CAPRIN1: variants seen among roughly 807,000 people sequenced by gnomAD.
CAPRIN1 encodes the protein caprin-1.
Under a neutral mutation model 100.9 loss-of-function variants are expected in CAPRIN1, and 29 were observed. The ratio of observed to expected loss-of-function variants is 0.29; its 90% CI spans 0.21 to 0.39. CAPRIN1 has a LOEUF of 0.39. Among genes scored for constraint, CAPRIN1 ranks in the 10% least tolerant of loss-of-function variants. CAPRIN1 has a pLI of 1.00. For synonymous variants in CAPRIN1, 338 were observed against 307.5 expected, an observed-to-expected ratio of 1.10 and a Z score of -1.04; for missense variants, 795 against 876.7, an observed-to-expected ratio of 0.91 and a Z score of 1.18.
At chr11:34,096,989 C>T (rs1851380160) in intron 16 of CAPRIN1, among the ~76,000 whole-genome samples, 1 of 152,084 alleles carries the variant, frequency 6.6e-6, no homozygotes, top group Non-Finnish European at 1.5e-5. Flanking sequence ...TGTTTACATG[C>T]ATAGATGGGT....
Position 34,097,694 on chromosome 11 carries a change from T to C in CAPRIN1, c.2002-4T>C, listed in dbSNP as rs1238492227. The C allele has an allele frequency of 1.9e-6, 3 of 1,614,084 alleles. No individual in the cohort carries two copies. The highest frequency in any genetic ancestry group is 2.5e-6 in the Non-Finnish European group (3 of 1,179,946). ...TTTTCAATACTAACTAGCTTGTCTT[T>C]TAGGATGGATATCAGCAGAATTTCA... On this transcript the variant is annotated splice_polypyrimidine_tract_variant and splice_region_variant and intron_variant, in intron 17 of 18. Transcript: ENST00000341394.
At chr11:34,092,143 G>A (rs1011985743) in intron 15 of CAPRIN1, 87 bp downstream of exon 15, 12 of 1,334,968 alleles carry the variant, frequency 9.0e-6, no homozygotes, top group Non-Finnish European at 1.2e-5. Flanking sequence ...TCAGAGTGGT[G>A]GTGTCCAAGA....
chr11:34,074,082 G>A (rs768493150), intron 4 of CAPRIN1, among the ~76,000 whole-genome samples: 8 of 152,258 alleles, frequency 5.3e-5, no homozygotes, highest in South Asian at 2.1e-4. Flanking sequence ...ACACTATTGC[G>A]TTGGGAGGGT....
intron 2 of CAPRIN1, chr11:34,063,224 A>C (rs1343041690): frequency 1.3e-5 from 2 of 152,210 alleles, no homozygotes; most frequent in Non-Finnish European, 2.9e-5. Flanking sequence ...CAACATAATA[A>C]TCTGATTGGA....
At chr11:34,088,230 C>G (rs1457037962) in intron 11 of CAPRIN1, among the ~76,000 whole-genome samples, 5 of 152,242 alleles carry the variant, frequency 3.3e-5, no homozygotes, top group Non-Finnish European at 5.9e-5. Context: ...GTGTCAATCT[C>G]TTGACCTCGT....
chr11:34,087,114 C>T (rs1411568829), intron 11 of CAPRIN1, among the ~76,000 whole-genome samples: 2 of 152,114 alleles, frequency 1.3e-5, no homozygotes, highest in African/African-American at 4.8e-5. Flanking sequence ...GACCTTCTCT[C>T]CAGGACTATT....
Position 34,079,671 on chromosome 11 carries a change from C to T in CAPRIN1, c.732C>T (p.Asn244=), listed in dbSNP as rs767239017. Reference sequence around the variant, plus strand: ...TTGTTGAGCGTGTTTTTCAGTCAAACTACTTTGACAGCACCCACAACCACC... The same window carrying T: ...TTGTTGAGCGTGTTTTTCAGTCAAATTACTTTGACAGCACCCACAACCACC... The part of the protein sequence containing the change: ...KEIVERVFQS[N]YFDSTHNHQN... Residue 244 remains asparagine (N), a synonymous_variant, in exon 7 of 19, where the codon AAC becomes AAT. Transcript: ENST00000341394. 16 of 1,613,740 alleles carry T rather than the reference C, an allele frequency of 9.9e-6. No homozygotes were observed. Among genetic ancestry groups the T allele is most frequent in the Non-Finnish European group, 1.4e-5 (16 of 1,179,696 alleles).
chr11:34,091,187 T>C (rs1452287250), intron 14 of CAPRIN1, among the ~76,000 whole-genome samples: 1 of 152,236 alleles, frequency 6.6e-6, no homozygotes, highest in Non-Finnish European at 1.5e-5. Flanking sequence ...AATATTAAAA[T>C]AACTTTTGAT....
chr11:34,101,963 A>C lies in CAPRIN1; in HGVS notation c.*2596A>C, dbSNP rs926214138. On this transcript the variant is annotated 3_prime_UTR_variant, in exon 19 of 19. Transcript: ENST00000341394. ...TGAAACTTCTTTTTTAAAACTTAAA[A>C]AGGTAGAATGTTATTGATTACCTTG... Among the ~76,000 whole-genome samples, 4 of 152,206 alleles carry C rather than the reference A, an allele frequency of 2.6e-5. No homozygotes were observed. The highest frequency in any genetic ancestry group is 9.6e-5 in the African/African-American group (4 of 41,458).
At chr11:34,089,808 C>T (rs1565096187) in intron 12 of CAPRIN1, among the ~76,000 whole-genome samples, 1 of 151,744 alleles carries the variant, frequency 6.6e-6, no homozygotes, top group South Asian at 2.1e-4. Flanking sequence ...TTAAGTTTTT[C>T]TTAAGTCTTG....
intron 7 of CAPRIN1, 61 bp from the exon 8 acceptor site, chr11:34,082,764 A>T (rs1315803720): frequency 2.3e-5 from 27 of 1,169,104 alleles, no homozygotes; most frequent in Non-Finnish European, 3.4e-5. Flanking sequence ...TATCACACAG[A>T]GTAGAGTAGT....
chr11:34,062,238 G>GC (rs1354895936), intron 2 of CAPRIN1, among the ~76,000 whole-genome samples: 2 of 152,150 alleles, frequency 1.3e-5, no homozygotes, highest in Non-Finnish European at 2.9e-5. Flanking sequence ...ACAGTCAGCT[G>GC]CCTACCATTG....
rs745475115 is a variant in CAPRIN1, at chr11:34,095,737, A to G, written c.1706-742A>G. On this transcript the variant is annotated intron_variant, in intron 15 of 18. Coordinates refer to ENST00000341394, the MANE Select transcript of CAPRIN1 (RefSeq NM_005898.5). Reference sequence around the variant, plus strand: ...CTTTGAATTATAAACATTGTTCTGTAGTATTGAATTTTTGAAAATTTCTAG... The same window carrying G: ...CTTTGAATTATAAACATTGTTCTGTGGTATTGAATTTTTGAAAATTTCTAG... 3 of 152,150 alleles carry G rather than the reference A, an allele frequency of 2.0e-5. No homozygotes were observed. In the South Asian group the frequency reaches 6.2e-4, roughly 32 times the overall value. 9.4% of individuals were successfully genotyped at this position (152,150 alleles called of 1,614,324 possible).
intron 14 of CAPRIN1, among the ~76,000 whole-genome samples, chr11:34,090,948 A>G (rs375918963): frequency 6.6e-6 from 1 of 152,200 alleles, no homozygotes. Flanking sequence ...AAAAGCTTAA[A>G]CATTCAGAGA....
intron 2 of CAPRIN1, among the ~76,000 whole-genome samples, chr11:34,068,084 C>T (rs532133048): frequency 5.9e-5 from 9 of 152,172 alleles, no homozygotes; most frequent in South Asian, 4.1e-4. Context: ...CTGGGGGCCT[C>T]GTGGGAAGAC....
intron 11 of CAPRIN1, among the ~76,000 whole-genome samples, chr11:34,087,605 T>C (rs1300800589): frequency 2.0e-5 from 3 of 151,882 alleles, no homozygotes; most frequent in Non-Finnish European, 4.4e-5. Flanking sequence ...AGTGCTGGGA[T>C]TACAGGCGTG....
chr11:34,057,659 T>C (rs765414798), intron 2 of CAPRIN1, among the ~76,000 whole-genome samples: 13 of 152,348 alleles, frequency 8.5e-5, no homozygotes, highest in South Asian at 6.2e-4. Flanking sequence ...GTTAAACTTA[T>C]AGCAATTTTG....
At chr11:34,052,990 G>T (rs1169518037) in intron 2 of CAPRIN1, 11 of 1,062,362 alleles carry the variant, frequency 1.0e-5, no homozygotes, top group African/African-American at 5.1e-5. Flanking sequence ...CGTCTCTGAG[G>T]CCCGATTTCT....
At chr11:34,072,751 C>T (rs16925116) in intron 4 of CAPRIN1, among the ~76,000 whole-genome samples, 3 of 152,188 alleles carry the variant, frequency 2.0e-5, no homozygotes, top group African/African-American at 7.2e-5. Flanking sequence ...GTGTCATCTT[C>T]TTTGGAGAAG....
Sources: allele counts gnomAD v4.1 joint callset (sites outside exome capture counted in the v4.1 genomes callset), GRCh38; gene constraint gnomAD v4.1.1; transcripts MANE v1.5; gene names NCBI Gene and HGNC (gene_info 2026-07-23, HGNC 2026-07-21).